The following SEMA3A variants were observed in gnomAD, a reference collection of about 807,000 sequenced individuals.
SEMA3A encodes semaphorin 3A, also known as semaphorin-3A.
SEMA3A carries 29 observed loss-of-function variants against 97.9 expected under a neutral mutation model. The observed-to-expected ratio is 0.30, with a 90% CI of 0.22 to 0.40. The LOEUF is 0.40. SEMA3A is among the 10% of genes least tolerant of loss of function. The pLI, the probability that SEMA3A is intolerant of heterozygous loss-of-function variation, is 1.00. For missense variants in SEMA3A, 763 were observed against 951.3 expected (o/e 0.80, Z 2.60); for synonymous variants, 321 against 323.7 (o/e 0.99, Z 0.09).
At chr7:84,067,456 A>C (rs2115733299) in intron 4 of SEMA3A, among the ~76,000 whole-genome samples, 1 of 151,836 alleles carries the variant, frequency 6.6e-6, no homozygotes, top group East Asian at 1.9e-4. Context: ...TCTGCACAGC[A>C]AAAGAAACTA....
At chr7:84,124,266 C>A (rs1441457607) in intron 3 of SEMA3A, among the ~76,000 whole-genome samples, 1 of 152,172 alleles carries the variant, frequency 6.6e-6, no homozygotes, top group African/African-American at 2.4e-5. Flanking sequence ...CCCAGTGTGA[C>A]TTGTTTAAAG....
intron 1 of SEMA3A, among the ~76,000 whole-genome samples, chr7:84,379,654 T>C (rs971460378): frequency 6.6e-6 from 1 of 150,850 alleles, no homozygotes; most frequent in Admixed American, 6.6e-5. Flanking sequence ...CCTTATTTCA[T>C]AACTAGAATG....
intron 10 of SEMA3A, 91 bp downstream of exon 10, chr7:84,007,262 G>T: frequency 2.0e-6 from 2 of 1,007,292 alleles, no homozygotes; most frequent in Non-Finnish European, 2.8e-6. Flanking sequence ...TACATTACAG[G>T]ATACATTTAA....
intron 3 of SEMA3A, among the ~76,000 whole-genome samples, chr7:84,234,058 A>G (rs181713047): frequency 3.2e-4 from 49 of 152,184 alleles, no homozygotes; most frequent in African/African-American, 1.2e-3. Context: ...AATGAAAACC[A>G]TAATACAATA....
chr7:84,487,759 C>T (rs1403812531), intron 1 of SEMA3A, among the ~76,000 whole-genome samples: 5 of 151,924 alleles, frequency 3.3e-5, no homozygotes, highest in African/African-American at 1.2e-4. Flanking sequence ...ATTAATTTTT[C>T]CAGGATCTTG....
intron 4 of SEMA3A, among the ~76,000 whole-genome samples, chr7:84,092,089 C>T (rs979271519): frequency 4.6e-5 from 7 of 152,042 alleles, no homozygotes; most frequent in Non-Finnish European, 1.0e-4. Flanking sequence ...CAAATGAATA[C>T]GTGCTGTTCA....
At chr7:84,311,293 T>C (rs1287141409) in intron 2 of SEMA3A, among the ~76,000 whole-genome samples, 2 of 151,922 alleles carry the variant, frequency 1.3e-5, no homozygotes, top group African/African-American at 4.8e-5. Context: ...GGGAGTTACA[T>C]TCAAAAATAT....
chr7:84,009,594 C>A (rs1203078924), intron 9 of SEMA3A, among the ~76,000 whole-genome samples: 2 of 152,128 alleles, frequency 1.3e-5, no homozygotes, highest in Admixed American at 6.6e-5. Flanking sequence ...TATCCCAATG[C>A]ATATCCTTCT....
chr7:84,061,248 G>A (rs1054344189), intron 4 of SEMA3A, among the ~76,000 whole-genome samples: 1 of 152,050 alleles, frequency 6.6e-6, no homozygotes, highest in Non-Finnish European at 1.5e-5. Context: ...CTGCTCTGTT[G>A]GGTCCCTAAG....
chr7:84,020,434 T>G (rs1000202147), intron 6 of SEMA3A, among the ~76,000 whole-genome samples: 1 of 152,098 alleles, frequency 6.6e-6, no homozygotes, highest in Non-Finnish European at 1.5e-5. Flanking sequence ...TCCTATTTTT[T>G]TTTTTTAGAC....
intron 1 of SEMA3A, among the ~76,000 whole-genome samples, chr7:84,430,789 TTGTGTGTGTGTGTGTGTG>T (rs56814153): frequency 7.0e-6 from 1 of 143,432 alleles, no homozygotes; most frequent in Non-Finnish European, 1.6e-5. Context: ...AACATAAAAT[TTGTGTGTGTGTGTGTGTG>T]TGTGTGTGTG....
chr7:84,048,982 T>C (rs566146192), intron 5 of SEMA3A, among the ~76,000 whole-genome samples: 1 of 152,088 alleles, frequency 6.6e-6, no homozygotes, highest in Non-Finnish European at 1.5e-5. Flanking sequence ...CAACCTCATA[T>C]TAGACAGACA....
intron 2 of SEMA3A, among the ~76,000 whole-genome samples, chr7:84,349,924 G>A (rs1464708477): frequency 3.3e-5 from 5 of 151,456 alleles, no homozygotes; most frequent in South Asian, 2.1e-4. Flanking sequence ...TTCCCTTTGC[G>A]CTCCAGATTT....
chr7:84,023,268 C>A (rs1383913014), intron 6 of SEMA3A, among the ~76,000 whole-genome samples: 4 of 152,312 alleles, frequency 2.6e-5, no homozygotes, highest in East Asian at 1.9e-4. Context: ...CTGCTCTCAG[C>A]ATTAGAATCA....
intron 4 of SEMA3A, among the ~76,000 whole-genome samples, chr7:84,087,849 C>T (rs1457476917): frequency 1.3e-5 from 2 of 152,074 alleles, no homozygotes; most frequent in Admixed American, 1.3e-4. Flanking sequence ...GTTGGCCTTC[C>T]TCTATGTTTT....
intron 1 of SEMA3A, among the ~76,000 whole-genome samples, chr7:84,152,900 G>A (rs940327425): frequency 4.6e-5 from 7 of 151,896 alleles, no homozygotes; most frequent in African/African-American, 1.7e-4. Context: ...GTAAAAACTA[G>A]CAGAATTGTA....
At chr7:84,153,840 C>A (rs574030624) in intron 1 of SEMA3A, among the ~76,000 whole-genome samples, 9 of 151,996 alleles carry the variant, frequency 5.9e-5, no homozygotes, top group Non-Finnish European at 1.3e-4. Flanking sequence ...AAAAATATTT[C>A]CTATTTACAT....
In SEMA3A at chr7:83,988,380, C is replaced by A. The variant is rs562305387; in HGVS notation, c.1453-2903G>T. ...TAGCTGGGACTACAGGCGCCCACCA[C>A]CACGACTGGCTAATTTTTTTGTATT... is the stretch of plus-strand genomic sequence containing the variant. On this transcript the variant is annotated intron_variant, in intron 12 of 16. Coordinates refer to ENST00000265362, the MANE Select transcript of SEMA3A (RefSeq NM_006080.3). 2.0e-5 allele frequency among the ~76,000 whole-genome samples: 3 copies of A among 152,162 alleles called. No homozygotes were observed. In the East Asian group the frequency reaches 5.8e-4, roughly 30 times the overall value.
intron 1 of SEMA3A, among the ~76,000 whole-genome samples, chr7:84,153,514 G>A (rs1443432656): frequency 6.6e-6 from 1 of 151,918 alleles, no homozygotes; most frequent in Non-Finnish European, 1.5e-5. Context: ...TTCCCCCAAA[G>A]GAAACAGCGT....
Sources: gnomAD v4.1 joint callset for allele counts (sites outside exome capture counted in the v4.1 genomes callset) on GRCh38, gnomAD v4.1.1 for gene constraint, MANE v1.5 for transcripts, NCBI Gene and HGNC (gene_info 2026-07-23, HGNC 2026-07-21) for gene names.